The following PCCA variants were observed in gnomAD, a reference collection of about 807,000 sequenced individuals.
PCCA encodes propionyl-CoA carboxylase alpha chain, mitochondrial.
A neutral mutation model predicts 101.3 loss-of-function variants in PCCA; 74 were observed. That is an observed-to-expected ratio of 0.73 (90% CI 0.61 to 0.89). PCCA has a LOEUF of 0.89. Among genes scored for constraint, PCCA ranks in the 40% least tolerant of loss-of-function variants. PCCA has a pLI of 0.00. For missense variants in PCCA, 891 were observed against 907.0 expected (o/e 0.98, Z 0.23); for synonymous variants, 294 against 313.6 (o/e 0.94, Z 0.66).
intron 20 of PCCA, among the ~76,000 whole-genome samples, chr13:100,443,244 A>G (rs1197727169): frequency 6.6e-6 from 1 of 152,082 alleles, no homozygotes; most frequent in Non-Finnish European, 1.5e-5. Flanking sequence ...TTAAAGAAGA[A>G]TGTTTCATCC....
chr13:100,222,726 GTGTT>G (rs1335409327), intron 7 of PCCA, among the ~76,000 whole-genome samples: 11 of 152,214 alleles, frequency 7.2e-5, no homozygotes, highest in Admixed American at 7.2e-4. Flanking sequence ...TTAGTCTACA[GTGTT>G]TTTAAGACTA....
intron 13 of PCCA, 109 bp downstream of exon 13, chr13:100,301,712 T>C: frequency 1.7e-6 from 2 of 1,206,426 alleles, no homozygotes; most frequent in Non-Finnish European, 2.5e-6. Context: ...TTGCCAACTA[T>C]TGGATTACGT....
Position 100,111,826 on chromosome 13 carries a change from T to G in PCCA, c.184-15T>G, listed in dbSNP as rs1257547578. 6.3e-7 allele frequency: 1 copy of G among 1,589,550 alleles called. No individual in the cohort carries two copies. The highest frequency in any genetic ancestry group is 8.6e-7 in the Non-Finnish European group (1 of 1,159,838). ...AAGTAACAATTTCTAATGAATGTGT[T>G]TTTTCTCTCTTCAGACTTTTGATAA... On this transcript the variant is annotated splice_polypyrimidine_tract_variant and intron_variant, in intron 2 of 23. Coordinates refer to ENST00000376285, the MANE Select transcript of PCCA (RefSeq NM_000282.4).
In PCCA at chr13:100,102,445, T is replaced by C. The variant is rs2047363814; in HGVS notation, c.106-438T>C. Among the ~76,000 whole-genome samples the C allele has an allele frequency of 1.3e-5, 2 of 152,214 alleles. 1 individual carries two copies. Among genetic ancestry groups the C allele is most frequent in the South Asian group, 4.1e-4 (2 of 4,836 alleles). On this transcript the variant is annotated intron_variant, in intron 1 of 23. Transcript: ENST00000376285. ...CACTTCTGTACCAGAAAATGTGAAATAAGAAATCATGCTGAAGACATCAGC... is the reference window on the plus strand; with the variant it reads ...CACTTCTGTACCAGAAAATGTGAAACAAGAAATCATGCTGAAGACATCAGC...
intron 21 of PCCA, among the ~76,000 whole-genome samples, chr13:100,458,371 C>CACACAT (rs2081918884): frequency 6.8e-6 from 1 of 146,770 alleles, no homozygotes. Context: ...TACACACACA[C>CACACAT]ACACACACAC....
intron 21 of PCCA, among the ~76,000 whole-genome samples, chr13:100,474,484 CTCTG>C (rs2083272122): frequency 6.6e-6 from 1 of 151,844 alleles, no homozygotes; most frequent in Non-Finnish European, 1.5e-5. Context: ...CTGTCTCTGT[CTCTG>C]TCTCTCTCTC....
intron 4 of PCCA, among the ~76,000 whole-genome samples, chr13:100,132,219 G>T (rs1472882988): frequency 7.9e-6 from 1 of 126,374 alleles, no homozygotes; most frequent in East Asian, 1.9e-4. Flanking sequence ...GTGGATATCA[G>T]CACATGTGTA....
rs546361606 is a variant in PCCA, at chr13:100,483,660, G to A, written c.1900-31767G>A. 1.1e-4 allele frequency among the ~76,000 whole-genome samples: 16 copies of A among 152,302 alleles called. No individual in the cohort carries two copies. The South Asian group carries it at 1.4e-3, about 14-fold the overall frequency. On this transcript the variant is annotated intron_variant, in intron 21 of 23. Transcript: ENST00000376285. ...TAGAAAGTGCTAGCTGAAATAAGGC[G>A]TATCAGTCTAGAGTTAGGAAGTGAG...
At chr13:100,212,916 A>T (rs545194508) in intron 7 of PCCA, among the ~76,000 whole-genome samples, 1 of 150,482 alleles carries the variant, frequency 6.6e-6, no homozygotes, top group Non-Finnish European at 1.5e-5. Context: ...GGCAATCATC[A>T]TTCTACTCTC....
chr13:100,363,606 A>G (rs1006832811), intron 18 of PCCA, among the ~76,000 whole-genome samples: 1 of 152,164 alleles, frequency 6.6e-6, no homozygotes, highest in Non-Finnish European at 1.5e-5. Context: ...AATGCAGCAT[A>G]TTATTCTCGA....
At chr13:100,475,788 A>G (rs945937477) in intron 21 of PCCA, among the ~76,000 whole-genome samples, 4 of 152,124 alleles carry the variant, frequency 2.6e-5, no homozygotes, top group African/African-American at 7.2e-5. Flanking sequence ...AGTTCTTCCC[A>G]CATCCTCACT....
intron 20 of PCCA, among the ~76,000 whole-genome samples, chr13:100,438,624 C>T (rs899643361): frequency 5.9e-5 from 9 of 151,940 alleles, no homozygotes; most frequent in African/African-American, 2.2e-4. Context: ...CTGTAGAGCA[C>T]GTACACCCTT....
intron 6 of PCCA, among the ~76,000 whole-genome samples, chr13:100,185,839 G>T (rs1414439972): frequency 6.6e-6 from 1 of 152,016 alleles, no homozygotes; most frequent in African/African-American, 2.4e-5. Flanking sequence ...TAGAGATGGG[G>T]TTTCTCCATG....
intron 17 of PCCA, among the ~76,000 whole-genome samples, chr13:100,338,016 G>A (rs985364997): frequency 6.6e-6 from 1 of 152,180 alleles, no homozygotes; most frequent in Non-Finnish European, 1.5e-5. Flanking sequence ...TACACAGTTT[G>A]ATAAATATCA....
At chr13:100,390,912 T>C (rs1177611013) in intron 19 of PCCA, among the ~76,000 whole-genome samples, 2 of 152,220 alleles carry the variant, frequency 1.3e-5, no homozygotes, top group Non-Finnish European at 2.9e-5. Flanking sequence ...GGGATTGACT[T>C]TTTAAAGGTT....
intron 4 of PCCA, among the ~76,000 whole-genome samples, chr13:100,128,941 G>C (rs2050227208): frequency 6.6e-6 from 1 of 151,936 alleles, no homozygotes; most frequent in Non-Finnish European, 1.5e-5. Flanking sequence ...CTGAAAGATG[G>C]CATTCTCTTC....
At chr13:100,371,983 T>A (rs887061348) in intron 19 of PCCA, among the ~76,000 whole-genome samples, 2 of 152,346 alleles carry the variant, frequency 1.3e-5, no homozygotes, top group Middle Eastern at 3.4e-3. Context: ...TTACTCTGTA[T>A]ACAAAACTAA....
intron 1 of PCCA, among the ~76,000 whole-genome samples, chr13:100,099,211 G>A (rs556243330): frequency 6.6e-6 from 1 of 152,036 alleles, no homozygotes; most frequent in South Asian, 2.1e-4. Flanking sequence ...GGTTTTGGCA[G>A]AAATAGTGTT....
intron 21 of PCCA, chr13:100,480,851 A>G (rs906831887): frequency 6.6e-6 from 1 of 152,208 alleles, no homozygotes; most frequent in African/African-American, 2.4e-5. Context: ...GAAATAGAGA[A>G]CTTGAATATG....
Sources: allele counts gnomAD v4.1 joint callset (sites outside exome capture counted in the v4.1 genomes callset), GRCh38; gene constraint gnomAD v4.1.1; transcripts MANE v1.5; gene names NCBI Gene and HGNC (gene_info 2026-07-23, HGNC 2026-07-21).